Variants in SEMA3A observed in about 807,000 individuals in gnomAD.
The protein encoded by SEMA3A is semaphorin 3A, also known as semaphorin-3A.
Under a neutral mutation model 97.9 loss-of-function variants are expected in SEMA3A, and 29 were observed. That is an observed-to-expected ratio of 0.30 (90% CI 0.22 to 0.40). The LOEUF (loss-of-function observed/expected upper bound fraction) is 0.40, where lower values mean the gene tolerates loss of function less well. Ranked by LOEUF, SEMA3A falls within the 10% of genes least tolerant of loss-of-function variation. SEMA3A has a pLI of 1.00. For synonymous variants in SEMA3A, 321 were observed against 323.7 expected (o/e 0.99, Z 0.09); for missense variants, 763 against 951.3 (o/e 0.80, Z 2.60).
chr7:84,110,691 T>TTA, intron 3 of SEMA3A, 102 bp from the exon 4 acceptor site: 2 of 1,318,958 alleles, frequency 1.5e-6, no homozygotes, highest in African/African-American at 1.5e-5. Context: ...TTTGTTTTCT[T>TTA]TCTTTTTTTT....
At chr7:84,295,198 T>C (rs1010184350) in intron 3 of SEMA3A, among the ~76,000 whole-genome samples, 2 of 152,046 alleles carry the variant, frequency 1.3e-5, no homozygotes, top group Non-Finnish European at 2.9e-5. Flanking sequence ...AGACTAGCAA[T>C]TGGTCTAGAA....
At chr7:84,197,986 G>A (rs1251485227), upstream of SEMA3A, among the ~76,000 whole-genome samples, 1 of 151,648 alleles carries the variant, frequency 6.6e-6, no homozygotes, top group Non-Finnish European at 1.5e-5. Flanking sequence ...GCAATCTGCC[G>A]GCCTCCGCCT....
chr7:83,957,810 A>G lies in SEMA3A; in HGVS notation c.*3561T>C, dbSNP rs1324510784. ...AATTATTACAAATCAAGTTAAAAGT[A>G]TAGATGTCCTTGGTGTTAGACCAGT... On this transcript the variant is annotated 3_prime_UTR_variant, in exon 17 of 17. Transcript: ENST00000265362. 3 of 152,128 alleles carry G rather than the reference A, an allele frequency of 2.0e-5. No homozygotes were observed. In the East Asian group the frequency reaches 5.8e-4, roughly 29 times the overall value. 9.4% of individuals were successfully genotyped at this position (152,128 alleles called of 1,614,324 possible). A position where few individuals can be genotyped will look rare whatever the true frequency, so the allele number is the denominator to read the frequency against.
intron 2 of SEMA3A, among the ~76,000 whole-genome samples, chr7:84,352,602 C>T (rs1249452035): frequency 6.6e-6 from 1 of 151,434 alleles, no homozygotes; most frequent in Non-Finnish European, 1.5e-5. Flanking sequence ...TAGAATGAAG[C>T]AATAAACTAT....
intron 6 of SEMA3A, among the ~76,000 whole-genome samples, chr7:84,035,413 T>C (rs1346774091): frequency 6.6e-6 from 1 of 152,040 alleles, no homozygotes; most frequent in East Asian, 1.9e-4. Context: ...ATGTTAAATA[T>C]TTATTGTCCA....
At chr7:84,344,063 G>C (rs1272809440) in intron 2 of SEMA3A, among the ~76,000 whole-genome samples, 1 of 151,502 alleles carries the variant, frequency 6.6e-6, no homozygotes, top group African/African-American at 2.4e-5. Context: ...TTTAAAGAAA[G>C]AAGTAATCTG....
intron 12 of SEMA3A, among the ~76,000 whole-genome samples, chr7:83,988,227 GTTGT>G (rs1015071899): frequency 1.1e-4 from 17 of 151,718 alleles, no homozygotes; most frequent in East Asian, 9.7e-4. Flanking sequence ...TGTTGTTGTT[GTTGT>G]TTGTTTGTTT....
chr7:83,986,988 A>ACC (rs1491440372), intron 12 of SEMA3A, among the ~76,000 whole-genome samples: 3 of 149,372 alleles, frequency 2.0e-5, no homozygotes, highest in Non-Finnish European at 4.5e-5. Flanking sequence ...ACACACACAC[A>ACC]CCCACACGCA....
At chr7:84,406,494 T>C (rs1443084160) in intron 1 of SEMA3A, among the ~76,000 whole-genome samples, 1 of 152,186 alleles carries the variant, frequency 6.6e-6, no homozygotes, top group Non-Finnish European at 1.5e-5. Flanking sequence ...GTAGCATTCC[T>C]TCTGAAACTA....
intron 1 of SEMA3A, among the ~76,000 whole-genome samples, chr7:84,461,221 TAGTA>T (rs942229804): frequency 6.6e-6 from 1 of 152,166 alleles, no homozygotes; most frequent in African/African-American, 2.4e-5. Flanking sequence ...TAAATGTTCT[TAGTA>T]AGCAGTCTGC....
intron 1 of SEMA3A, among the ~76,000 whole-genome samples, chr7:84,145,847 A>G (rs4461845): frequency 0.22 from 33,830 of 151,854 alleles, 3,883 homozygotes; most frequent in South Asian, 0.27. Flanking sequence ...TGCTTTTATT[A>G]AAACAAAGCA....
intron 1 of SEMA3A, among the ~76,000 whole-genome samples, chr7:84,408,530 A>G (rs1273231392): frequency 6.6e-6 from 1 of 152,160 alleles, no homozygotes; most frequent in Non-Finnish European, 1.5e-5. Flanking sequence ...TGACCCAGCC[A>G]TCCCATTACT....
At chr7:84,054,082 G>A (rs1332725282) in intron 5 of SEMA3A, among the ~76,000 whole-genome samples, 6 of 151,814 alleles carry the variant, frequency 4.0e-5, no homozygotes, top group Admixed American at 1.3e-4. Flanking sequence ...TGAGAGATCC[G>A]CTGTTAGTCT....
At chr7:84,412,432 G>T (rs151015890) in intron 1 of SEMA3A, among the ~76,000 whole-genome samples, 55 of 152,252 alleles carry the variant, frequency 3.6e-4, no homozygotes, top group African/African-American at 1.3e-3. Context: ...AAACAATGTG[G>T]TTGAACCACC....
intron 2 of SEMA3A, among the ~76,000 whole-genome samples, chr7:84,331,804 G>A (rs2115951197): frequency 6.6e-6 from 1 of 152,242 alleles, no homozygotes; most frequent in African/African-American, 2.4e-5. Flanking sequence ...ATGCGTGCGT[G>A]CATGCTCCTT....
intron 4 of SEMA3A, among the ~76,000 whole-genome samples, chr7:84,078,879 T>A (rs2115787852): frequency 6.6e-6 from 1 of 152,240 alleles, no homozygotes; most frequent in South Asian, 2.1e-4. Flanking sequence ...ATATATTTAA[T>A]GATTGCAAAA....
Position 84,246,560 on chromosome 7 carries a change from A to T in SEMA3A, c.-82-51892T>A, listed in dbSNP as rs186525840. Among the ~76,000 whole-genome samples, 19 of 152,296 alleles carry T rather than the reference A, an allele frequency of 1.2e-4. No homozygotes were observed. The East Asian group carries it at 3.5e-3, about 28-fold the overall frequency. Reference sequence around the variant, plus strand: ...TGAAATAAGAAATTCAACAGATAAAATATACATGTATATTATATATCCAAA... The same window carrying T: ...TGAAATAAGAAATTCAACAGATAAATTATACATGTATATTATATATCCAAA... On this transcript the variant is annotated intron_variant, in intron 3 of 3. Transcript: ENST00000424555.
intron 1 of SEMA3A, among the ~76,000 whole-genome samples, chr7:84,395,891 T>A (rs972037697): frequency 6.6e-6 from 1 of 151,956 alleles, no homozygotes; most frequent in African/African-American, 2.4e-5. Flanking sequence ...AATACAAGGA[T>A]CAAGAAAGGT....
At chr7:84,256,735 T>A (rs1041350076) in intron 3 of SEMA3A, among the ~76,000 whole-genome samples, 1 of 152,088 alleles carries the variant, frequency 6.6e-6, no homozygotes, top group East Asian at 1.9e-4. Context: ...AGACGACATA[T>A]GGTTAACATC....
Sources: allele counts gnomAD v4.1 joint callset (sites outside exome capture counted in the v4.1 genomes callset), GRCh38; gene constraint gnomAD v4.1.1; transcripts MANE v1.5; gene names NCBI Gene and HGNC (gene_info 2026-07-23, HGNC 2026-07-21).